FRMD3: variants seen among roughly 807,000 people sequenced by gnomAD.
The protein encoded by FRMD3 is FERM domain containing 3.
A neutral mutation model predicts 70.2 loss-of-function variants in FRMD3; 33 were observed. That is an observed-to-expected ratio of 0.47 (90% CI 0.36 to 0.63). The LOEUF (loss-of-function observed/expected upper bound fraction) is 0.63. FRMD3 is among the 20% of genes least tolerant of loss of function. FRMD3 has a pLI of 0.00. For missense variants in FRMD3, 632 were observed against 711.4 expected, an observed-to-expected ratio of 0.89 and a Z score of 1.27; for synonymous variants, 279 against 255.9, an observed-to-expected ratio of 1.09 and a Z score of -0.86.
chr9:83,308,776 G>A (rs954746314), intron 10 of FRMD3, among the ~76,000 whole-genome samples: 1 of 152,066 alleles, frequency 6.6e-6, no homozygotes, highest in Non-Finnish European at 1.5e-5. Flanking sequence ...TAAACCTTTG[G>A]CTCTATTTTC....
intron 13 of FRMD3, among the ~76,000 whole-genome samples, chr9:83,271,825 T>C (rs901250888): frequency 5.9e-5 from 9 of 152,194 alleles, no homozygotes; most frequent in South Asian, 2.1e-4. Flanking sequence ...AGAATACAGT[T>C]GCAGACAAAG....
At chr9:83,250,675 TGTG>T (rs1156678898) in intron 13 of FRMD3, among the ~76,000 whole-genome samples, 1 of 152,192 alleles carries the variant, frequency 6.6e-6, no homozygotes, top group African/African-American at 2.4e-5. Context: ...GCCTGCTGGC[TGTG>T]GAGAACAGAG....
At chr9:83,323,528 A>G (rs993974171) in intron 6 of FRMD3, among the ~76,000 whole-genome samples, 3 of 152,202 alleles carry the variant, frequency 2.0e-5, no homozygotes, top group African/African-American at 7.2e-5. Flanking sequence ...TCATGAATAT[A>G]TTCAGTTTGC....
Position 83,248,342 on chromosome 9 carries a change from G to A in FRMD3, c.1370C>T (p.Pro457Leu). The A allele has an allele frequency of 1.9e-6, 3 of 1,614,178 alleles. No individual in the cohort carries two copies. The highest frequency in any genetic ancestry group is 2.5e-6 in the Non-Finnish European group (3 of 1,180,026). The stretch of plus-strand genomic sequence containing the variant: ...CATGTCAATCTCATCGTCATCCACA[G>A]GGGTGGGGAGCAGGCTGGCACTTGG... ...YNPSASLLPTPVDDDEIDMLF... is the reference protein window; with the variant it reads ...YNPSASLLPTLVDDDEIDMLF... The change falls in exon 14 of 14, where the codon CCT becomes CTT. Residue 457 changes from proline to leucine, a missense_variant. Around this residue, in one of 3 missense-constraint regions of FRMD3, gnomAD observed 418 missense variants for 442.1 expected, o/e 0.95. Transcript: ENST00000304195.
intron 3 of FRMD3, among the ~76,000 whole-genome samples, chr9:83,351,725 A>ATAGATAGG (rs1157870281): frequency 6.6e-6 from 1 of 152,000 alleles, no homozygotes; most frequent in East Asian, 1.9e-4. Flanking sequence ...AGATAGATAG[A>ATAGATAGG]TAGATAGACA....
intron 1 of FRMD3, among the ~76,000 whole-genome samples, chr9:83,509,392 A>G (rs1829284248): frequency 6.6e-6 from 1 of 152,222 alleles, no homozygotes; most frequent in Non-Finnish European, 1.5e-5. Flanking sequence ...ATGGTATGGC[A>G]GCAGCAGCAG....
At chr9:83,301,324 C>T (rs1464704345) in intron 10 of FRMD3, among the ~76,000 whole-genome samples, 1 of 152,150 alleles carries the variant, frequency 6.6e-6, no homozygotes, top group Admixed American at 6.5e-5. Flanking sequence ...CCCTACAGAG[C>T]TGTGGCCTGA....
chr9:83,388,624 A>G lies in FRMD3; in HGVS notation c.252+980T>C, dbSNP rs183117209. 1.1e-3 allele frequency among the ~76,000 whole-genome samples: 170 copies of G among 152,266 alleles called. 1 individual carries two copies. Among genetic ancestry groups the G allele is most frequent in the African/African-American group, 3.9e-3 (162 of 41,550 alleles). On this transcript the variant is annotated intron_variant, in intron 2 of 13. Coordinates refer to ENST00000304195, the MANE Select transcript of FRMD3 (RefSeq NM_174938.6). The stretch of plus-strand genomic sequence containing the variant: ...ACACCTAGGCTGCTATACCAGCTCA[A>G]AAGGTAAGACTCCTGCTCACTCTTC...
rs1380086821 is a variant in FRMD3 at position 83,436,457 on chromosome 9, G to GGTGT, written c.148-46750_148-46749insACAC. Reference sequence around the variant, plus strand: ...TCCTTTGCCAAATTTTAATTAATAAGATGTGTGTGTGTGTGTGTGTGTGTG... The same window carrying GGTGT: ...TCCTTTGCCAAATTTTAATTAATAAGGTGTATGTGTGTGTGTGTGTGTGTGTGTG... On this transcript the variant is annotated intron_variant, in intron 1 of 13. Coordinates refer to ENST00000304195, the MANE Select transcript of FRMD3 (RefSeq NM_174938.6). Among the ~76,000 whole-genome samples, 16 of 108,292 alleles carry GGTGT rather than the reference G, an allele frequency of 1.5e-4. No homozygotes were observed. The South Asian group carries it at 2.0e-3, about 13-fold the overall frequency. The allele number at this position is 108,292 out of a possible 152,430, so 71.0% of individuals were successfully genotyped here.
chr9:83,252,903 CTT>C (rs1283019043), intron 13 of FRMD3, among the ~76,000 whole-genome samples: 1 of 152,018 alleles, frequency 6.6e-6, no homozygotes, highest in Non-Finnish European at 1.5e-5. Context: ...TGCTTAGAGA[CTT>C]AGACTCTACA....
chr9:83,372,969 A>G lies in FRMD3; in HGVS notation c.253-14T>C. Reference sequence around the variant, plus strand: ...TTCAAGCCAGTGCTAGGGAGGAAAAAAAAAAAAGCAGAGATCAGGGGTCAA... The same window carrying G: ...TTCAAGCCAGTGCTAGGGAGGAAAAGAAAAAAAGCAGAGATCAGGGGTCAA... On this transcript the variant is annotated splice_polypyrimidine_tract_variant and intron_variant, in intron 2 of 13. Coordinates refer to ENST00000304195, the MANE Select transcript of FRMD3 (RefSeq NM_174938.6). 2 of 1,610,156 alleles carry G rather than the reference A, an allele frequency of 1.2e-6. No individual in the cohort carries two copies. Among genetic ancestry groups the G allele is most frequent in the Non-Finnish European group, 1.7e-6 (2 of 1,178,190 alleles).
At chr9:83,338,470 G>T (rs1447651042) in intron 5 of FRMD3, among the ~76,000 whole-genome samples, 1 of 152,140 alleles carries the variant, frequency 6.6e-6, no homozygotes, top group Non-Finnish European at 1.5e-5. Flanking sequence ...GAGGCAACTT[G>T]GGTGTTTATT....
intron 1 of FRMD3, among the ~76,000 whole-genome samples, chr9:83,521,409 C>A (rs1436606087): frequency 6.6e-6 from 1 of 152,128 alleles, no homozygotes; most frequent in East Asian, 1.9e-4. Context: ...TCACTTGAGC[C>A]CAGGAATTCA....
chr9:83,441,950 C>T (rs867815123), intron 1 of FRMD3, among the ~76,000 whole-genome samples: 10 of 152,154 alleles, frequency 6.6e-5, no homozygotes, highest in Non-Finnish European at 1.5e-4. Context: ...TGAAATATGT[C>T]GGACTACTGA....
rs1554706660 is a variant in FRMD3, at chr9:83,446,988, T to TGTTTTG, written c.148-57281_148-57280insCAAAAC. ...CCTCCTCACAGACAGCAGATCAGGG[T>TGTTTTG]TTTTGTTTTGTTTTGTTTTGTTTTG... On this transcript the variant is annotated intron_variant, in intron 1 of 13. Coordinates refer to ENST00000304195, the MANE Select transcript of FRMD3 (RefSeq NM_174938.6). 3.7e-3 allele frequency among the ~76,000 whole-genome samples: 540 copies of TGTTTTG among 146,854 alleles called. 5 individuals are homozygous for TGTTTTG. The highest frequency in any genetic ancestry group is 0.013 in the African/African-American group (521 of 39,364).
At chr9:83,243,218 G>A (rs1563966038), downstream of FRMD3, 4 of 1,550,298 alleles carry the variant, frequency 2.6e-6, no homozygotes, top group South Asian at 1.2e-5. Flanking sequence ...CATGGAGACT[G>A]GAAGCCCAGA....
chr9:83,495,423 T>A (rs4097643), intron 1 of FRMD3, among the ~76,000 whole-genome samples: 77,539 of 152,026 alleles, frequency 0.51, 20,393 homozygotes, highest in African/African-American at 0.56. Context: ...GTAGGAGAAG[T>A]GAAATCGTCT....
intron 1 of FRMD3, among the ~76,000 whole-genome samples, chr9:83,432,324 G>C (rs1321566395): frequency 6.6e-6 from 1 of 152,178 alleles, no homozygotes; most frequent in Non-Finnish European, 1.5e-5. Context: ...AGTCTGCCAG[G>C]TCACTATGTT....
At chr9:83,264,084 A>G (rs1372378284) in intron 13 of FRMD3, among the ~76,000 whole-genome samples, 1 of 152,246 alleles carries the variant, frequency 6.6e-6, no homozygotes, top group Non-Finnish European at 1.5e-5. Flanking sequence ...ATTAATAATC[A>G]AAAACTTCTG....
Sources: gnomAD v4.1 joint callset for allele counts (sites outside exome capture counted in the v4.1 genomes callset) on GRCh38, gnomAD v4.1.1 for gene constraint, gnomAD v4.1.1 regional missense constraint, MANE v1.5 for transcripts, NCBI Gene and HGNC (gene_info 2026-07-23, HGNC 2026-07-21) for gene names.